EXT1: variants seen among roughly 807,000 people sequenced by gnomAD.
EXT1 encodes exostosin-1.
EXT1 carries 20 observed loss-of-function variants against 82.5 expected under a neutral mutation model. The ratio of observed to expected loss-of-function variants is 0.24; its 90% CI spans 0.17 to 0.35. The LOEUF is 0.35. Among genes scored for constraint, EXT1 ranks in the 10% least tolerant of loss-of-function variants. The pLI, the probability that EXT1 is intolerant of heterozygous loss-of-function variation, is 1.00. For missense variants in EXT1, 757 were observed against 936.5 expected (o/e 0.81, Z 2.50); for synonymous variants, 348 against 350.8 (o/e 0.99, Z 0.09).
rs1249105856 is a variant in EXT1 at position 118,110,658 on chromosome 8, C to T, written c.389G>A (p.Ser130Asn). 1 of 1,614,054 alleles carries T rather than the reference C, an allele frequency of 6.2e-7. No homozygotes were observed. ...PQQKGEKIAESYQNILAAIEG... is the reference protein window; with the variant it reads ...PQQKGEKIAENYQNILAAIEG... The stretch of plus-strand genomic sequence containing the variant: ...GATGGCCGCTAGAATGTTTTGGTAA[C>T]TTTCGGCGATTTTCTCCCCTTTTTG... The change falls in exon 1 of 11, where the codon AGT becomes AAT. Residue 130 changes from serine to asparagine, a missense_variant. This residue lies in a region of EXT1 where 247 missense variants were observed against 330.1 expected (regional missense o/e 0.75). Transcript: ENST00000378204.
chr8:117,900,794 A>G (rs1460425336), intron 1 of EXT1, among the ~76,000 whole-genome samples: 1 of 152,198 alleles, frequency 6.6e-6, no homozygotes, highest in Non-Finnish European at 1.5e-5. Flanking sequence ...CCTGGGACTA[A>G]GGGTAAAAAA....
At chr8:118,104,719 G>A (rs1170447286) in intron 1 of EXT1, among the ~76,000 whole-genome samples, 7 of 152,078 alleles carry the variant, frequency 4.6e-5, no homozygotes, top group Admixed American at 6.6e-5. Context: ...TCAAAAATCC[G>A]AAATCCAAAA....
At chr8:117,802,709 T>C (rs1316713650) in intron 10 of EXT1, among the ~76,000 whole-genome samples, 1 of 152,186 alleles carries the variant, frequency 6.6e-6, no homozygotes, top group Non-Finnish European at 1.5e-5. Flanking sequence ...TTTGGGCACA[T>C]AATAGACAAT....
intron 1 of EXT1, among the ~76,000 whole-genome samples, chr8:117,846,441 C>T (rs1422775399): frequency 6.6e-6 from 1 of 152,144 alleles, no homozygotes; most frequent in Non-Finnish European, 1.5e-5. Context: ...ATACCCACTT[C>T]CAAAACTCTT....
At position 118,057,975 on chromosome 8, in the gene EXT1, GAAAAAAA is replaced by G. The variant is rs1173695009; in HGVS notation, c.962+52103_962+52109del. 1.7e-4 allele frequency among the ~76,000 whole-genome samples: 10 copies of G among 59,404 alleles called. No individual in the cohort carries two copies. In the East Asian group the frequency reaches 2.7e-3, roughly 16 times the overall value. 39.0% of individuals were successfully genotyped at this position (59,404 alleles called of 152,430 possible). ...AACAGAGTTAGACCCCATCTCAAAA[GAAAAAAA>G]AAAAAAAAAAGGAAAAGAAAAAAAA... On this transcript the variant is annotated intron_variant, in intron 1 of 10. Coordinates refer to ENST00000378204, the MANE Select transcript of EXT1 (RefSeq NM_000127.3).
chr8:117,839,786 C>T (rs1038047792), intron 1 of EXT1, among the ~76,000 whole-genome samples: 7 of 152,186 alleles, frequency 4.6e-5, no homozygotes, highest in African/African-American at 1.7e-4. Flanking sequence ...CTTGTAGATG[C>T]TTAAATCCAC....
intron 1 of EXT1, among the ~76,000 whole-genome samples, chr8:117,969,421 G>A (rs181544268): frequency 5.9e-5 from 9 of 152,274 alleles, no homozygotes; most frequent in Admixed American, 5.9e-4. Context: ...GTCAACCACA[G>A]CCTTGAGACC....
Position 117,795,003 on chromosome 8 carries a change from C to T in EXT1, c.*4709G>A, listed in dbSNP as rs1009030978. 2 of 152,102 alleles carry T rather than the reference C, an allele frequency of 1.3e-5. No individual in the cohort carries two copies. Among genetic ancestry groups the T allele is most frequent in the Non-Finnish European group, 2.9e-5 (2 of 68,030 alleles). The allele number at this position is 152,102 out of a possible 1,614,324, so 9.4% of individuals were successfully genotyped here. A position where few individuals can be genotyped will look rare whatever the true frequency, so the allele number is the denominator to read the frequency against. ...CCCTAGTTTTAGTAATAGTTACAAC[C>T]GAAAGGACAGGGATGTATTCCTGTA... On this transcript the variant is annotated 3_prime_UTR_variant, in exon 11 of 11. Coordinates refer to ENST00000378204, the MANE Select transcript of EXT1 (RefSeq NM_000127.3).
chr8:117,835,270 T>C lies in EXT1; in HGVS notation c.1164+174A>G, dbSNP rs555484434. 1.8e-3 allele frequency among the ~76,000 whole-genome samples: 267 copies of C among 152,322 alleles called. 5 individuals carry two copies. The highest frequency in any genetic ancestry group is 7.9e-3 in the South Asian group (38 of 4,828). On this transcript the variant is annotated intron_variant, in intron 3 of 10. Transcript: ENST00000378204. The stretch of plus-strand genomic sequence containing the variant: ...ATTCTGGGGACCTGGGGAGATTTTG[T>C]TGGAAAGTGAACAATGTCATATTAA...
At chr8:118,038,921 T>A (rs1363028042) in intron 1 of EXT1, among the ~76,000 whole-genome samples, 1 of 152,238 alleles carries the variant, frequency 6.6e-6, no homozygotes, top group Non-Finnish European at 1.5e-5. Context: ...GTTCCTCTTA[T>A]CATATGGACT....
intron 1 of EXT1, among the ~76,000 whole-genome samples, chr8:118,017,454 G>A (rs181384708): frequency 1.3e-5 from 2 of 152,222 alleles, no homozygotes; most frequent in Admixed American, 1.3e-4. Context: ...GAGTCCTCAA[G>A]AAAGCTAAGT....
intron 4 of EXT1, among the ~76,000 whole-genome samples, chr8:117,828,478 C>T (rs1207552434): frequency 6.6e-6 from 1 of 151,520 alleles, no homozygotes; most frequent in Non-Finnish European, 1.5e-5. Flanking sequence ...AAGGTCATTC[C>T]AGCCTGGTGA....
chr8:117,885,789 C>G (rs901447973), intron 1 of EXT1, among the ~76,000 whole-genome samples: 3 of 152,162 alleles, frequency 2.0e-5, no homozygotes, highest in African/African-American at 7.2e-5. Flanking sequence ...ATTCATTAAT[C>G]TTTTTCCTTC....
At chr8:117,847,650 T>G (rs1156718041) in intron 1 of EXT1, among the ~76,000 whole-genome samples, 5 of 152,036 alleles carry the variant, frequency 3.3e-5, no homozygotes, top group African/African-American at 1.2e-4. Flanking sequence ...AAGCAATGAC[T>G]CCCTCCCTCT....
chr8:117,982,553 C>T (rs1319328005), intron 1 of EXT1, among the ~76,000 whole-genome samples: 1 of 152,060 alleles, frequency 6.6e-6, no homozygotes, highest in Non-Finnish European at 1.5e-5. Context: ...TGCAGTGGCA[C>T]AATCTCGGCT....
chr8:117,919,613 T>C (rs1813818918), intron 1 of EXT1, among the ~76,000 whole-genome samples: 2 of 151,480 alleles, frequency 1.3e-5, no homozygotes, highest in Admixed American at 6.6e-5. Context: ...CAAGCAATCA[T>C]CCCGCCTCAC....
chr8:117,906,183 C>G (rs1158063304), intron 1 of EXT1, among the ~76,000 whole-genome samples: 1 of 152,140 alleles, frequency 6.6e-6, no homozygotes, highest in Non-Finnish European at 1.5e-5. Flanking sequence ...TCACTTAACA[C>G]TTTAACTTTG....
intron 1 of EXT1, among the ~76,000 whole-genome samples, chr8:117,973,260 T>G (rs549881071): frequency 1.1e-4 from 16 of 152,266 alleles, no homozygotes; most frequent in African/African-American, 3.9e-4. Flanking sequence ...GAGTGGGAAT[T>G]GCAGTAAGTC....
intron 1 of EXT1, among the ~76,000 whole-genome samples, chr8:117,916,964 C>A (rs957921083): frequency 3.3e-5 from 5 of 152,016 alleles, no homozygotes; most frequent in African/African-American, 1.2e-4. Flanking sequence ...TAAGAAAAAG[C>A]TACTTCAGAA....
Sources: gnomAD v4.1 joint callset for allele counts (sites outside exome capture counted in the v4.1 genomes callset) on GRCh38, gnomAD v4.1.1 for gene constraint, gnomAD v4.1.1 regional missense constraint, MANE v1.5 for transcripts, NCBI Gene and HGNC (gene_info 2026-07-23, HGNC 2026-07-21) for gene names.